CPQ: variants seen among roughly 807,000 people sequenced by gnomAD.
The protein encoded by CPQ is Ser-Met dipeptidase.
In CPQ, 37 loss-of-function variants were observed where a neutral mutation model predicts 45.7. That is an observed-to-expected ratio of 0.81 (90% CI 0.62 to 1.07). The LOEUF is 1.07. Ranked by LOEUF, CPQ falls within the 50% of genes least tolerant of loss-of-function variation. The pLI is 0.00. For synonymous variants in CPQ, 186 were observed against 205.8 expected (o/e 0.90, Z 0.82); for missense variants, 537 against 572.9 (o/e 0.94, Z 0.64).
intron 1 of CPQ, among the ~76,000 whole-genome samples, chr8:96,678,148 G>T (rs560904081): frequency 1.3e-5 from 2 of 151,950 alleles, no homozygotes; most frequent in African/African-American, 4.8e-5. Context: ...TGCGTTAGCT[G>T]TGAGGCCCCT....
At chr8:96,886,546 C>CA (rs1317866339) in intron 4 of CPQ, among the ~76,000 whole-genome samples, 9 of 152,168 alleles carry the variant, frequency 5.9e-5, no homozygotes, top group African/African-American at 2.2e-4. Flanking sequence ...GTCTTAGAGG[C>CA]AGAGACAGAG....
intron 6 of CPQ, among the ~76,000 whole-genome samples, chr8:97,041,409 A>G (rs556718851): frequency 5.3e-5 from 8 of 152,306 alleles, no homozygotes; most frequent in African/African-American, 1.9e-4. Flanking sequence ...TTTTCTAGAT[A>G]TACAATCATA....
At chr8:96,672,576 G>A (rs770995687) in intron 1 of CPQ, among the ~76,000 whole-genome samples, 8 of 151,982 alleles carry the variant, frequency 5.3e-5, no homozygotes, top group Non-Finnish European at 1.2e-4. Context: ...GCAGGAGTTC[G>A]AGACCAGCCT....
intron 1 of CPQ, among the ~76,000 whole-genome samples, chr8:96,706,983 G>A (rs1416951653): frequency 6.6e-6 from 1 of 152,066 alleles, no homozygotes; most frequent in Admixed American, 6.6e-5. Flanking sequence ...AACCCAGATT[G>A]ACGTCTCTTT....
At chr8:96,747,065 TG>T (rs1272233382) in intron 1 of CPQ, among the ~76,000 whole-genome samples, 3 of 151,576 alleles carry the variant, frequency 2.0e-5, no homozygotes, top group African/African-American at 7.3e-5. Context: ...CTGAGGCGGG[TG>T]GATCACCTGA....
intron 1 of CPQ, among the ~76,000 whole-genome samples, chr8:96,659,487 T>A (rs1171675221): frequency 1.3e-5 from 2 of 152,130 alleles, no homozygotes; most frequent in African/African-American, 4.8e-5. Context: ...GACTTCCGAG[T>A]TCTTTACATG....
At chr8:97,088,449 G>A (rs1811074951) in intron 7 of CPQ, among the ~76,000 whole-genome samples, 1 of 152,132 alleles carries the variant, frequency 6.6e-6, no homozygotes, top group Non-Finnish European at 1.5e-5. Flanking sequence ...TTTCTAAAAA[G>A]AAATTTTACA....
chr8:96,952,206 C>T lies in CPQ; in HGVS notation c.850-13729C>T, dbSNP rs546713524. Among the ~76,000 whole-genome samples the T allele has an allele frequency of 2.6e-5, 4 of 152,100 alleles. No individual in the cohort carries two copies. In the South Asian group the frequency reaches 6.2e-4, roughly 24 times the overall value. On this transcript the variant is annotated intron_variant, in intron 4 of 7. Transcript: ENST00000220763. Reference sequence around the variant, plus strand: ...AAAAAGCAGTCAAAAGTAGCTTCTGCCCCATCTTTAGTGAAGCATACAGAG... The same window carrying T: ...AAAAAGCAGTCAAAAGTAGCTTCTGTCCCATCTTTAGTGAAGCATACAGAG...
rs183018321 is a variant in CPQ, at chr8:97,110,322, A to G, written c.1256-32698A>G. ...AATTCATTCTTTTTGATTGCTGAGT[A>G]CTATTCCATTATATAAATACACCAC... On this transcript the variant is annotated intron_variant, in intron 7 of 7. Transcript: ENST00000220763. Among the ~76,000 whole-genome samples the G allele has an allele frequency of 1.4e-3, 207 of 152,298 alleles. 1 individual carries two copies. The highest frequency in any genetic ancestry group is 4.8e-3 in the African/African-American group (201 of 41,560).
intron 4 of CPQ, among the ~76,000 whole-genome samples, chr8:96,902,481 A>G (rs1812523982): frequency 6.6e-6 from 1 of 152,082 alleles, no homozygotes. Flanking sequence ...AGAGGTTCTC[A>G]TGTATTATAA....
chr8:96,829,852 A>G (rs893289348), intron 2 of CPQ, among the ~76,000 whole-genome samples: 2 of 152,144 alleles, frequency 1.3e-5, no homozygotes, highest in African/African-American at 4.8e-5. Context: ...TAAGGATAGT[A>G]CTGGAATTTC....
chr8:96,645,666 G>A (rs2651449), intron 1 of CPQ, among the ~76,000 whole-genome samples: 133,065 of 151,810 alleles, frequency 0.88, 58,854 homozygotes, highest in Non-Finnish European at 0.94. Context: ...GTGGTGGAGG[G>A]TGCTGCGGGA....
intron 1 of CPQ, among the ~76,000 whole-genome samples, chr8:96,722,869 T>C (rs927026872): frequency 2.6e-5 from 4 of 152,264 alleles, no homozygotes; most frequent in East Asian, 3.9e-4. Context: ...GGCCTGCAAT[T>C]CTTGGGACTG....
chr8:97,033,165 G>T (rs550014552), intron 6 of CPQ, among the ~76,000 whole-genome samples: 46 of 151,406 alleles, frequency 3.0e-4, no homozygotes, highest in Admixed American at 1.2e-3. Context: ...TATGGCGGGG[G>T]TGGGGAGATC....
intron 4 of CPQ, among the ~76,000 whole-genome samples, chr8:96,932,175 A>AAAGGAAGGAAGGAAGGAAGG (rs144460338): frequency 2.0e-5 from 3 of 151,864 alleles, no homozygotes; most frequent in African/African-American, 7.3e-5. Context: ...ACTTGGGAAG[A>AAAGGAAGGAAGGAAGGAAGG]AAGGAAGGAA....
intron 4 of CPQ, among the ~76,000 whole-genome samples, chr8:96,953,048 A>T (rs1813293282): frequency 6.6e-6 from 1 of 152,136 alleles, no homozygotes; most frequent in Non-Finnish European, 1.5e-5. Flanking sequence ...CTTAATCATT[A>T]ATTTTATTAG....
At chr8:97,125,554 T>C (rs1811833820) in intron 7 of CPQ, among the ~76,000 whole-genome samples, 1 of 152,198 alleles carries the variant, frequency 6.6e-6, no homozygotes, top group South Asian at 2.1e-4. Flanking sequence ...GCATTTATCT[T>C]AGAAATTTAA....
chr8:96,781,423 G>T (rs569221845), intron 1 of CPQ, among the ~76,000 whole-genome samples: 1 of 151,878 alleles, frequency 6.6e-6, no homozygotes, highest in Non-Finnish European at 1.5e-5. Flanking sequence ...AGCAAGAGGG[G>T]GTAAACTCAC....
intron 3 of CPQ, among the ~76,000 whole-genome samples, chr8:96,876,842 G>A (rs887004725): frequency 1.3e-5 from 2 of 151,998 alleles, no homozygotes; most frequent in African/African-American, 2.4e-5. Context: ...TTTTGTTAAG[G>A]ATGTTTTGCA....
Sources: gnomAD v4.1 joint callset for allele counts (sites outside exome capture counted in the v4.1 genomes callset) on GRCh38, gnomAD v4.1.1 for gene constraint, MANE v1.5 for transcripts, NCBI Gene and HGNC (gene_info 2026-07-23, HGNC 2026-07-21) for gene names.